The following BARX2 variants were observed in gnomAD, a reference collection of about 807,000 sequenced individuals.
The protein encoded by BARX2 is homeobox protein BarH-like 2.
BARX2 carries 11 observed loss-of-function variants against 25.5 expected under a neutral mutation model. That is an observed-to-expected ratio of 0.43 (90% CI 0.27 to 0.71). BARX2 has a LOEUF of 0.71. Among genes scored for constraint, BARX2 ranks in the 30% least tolerant of loss-of-function variants. The pLI, the probability that BARX2 is intolerant of heterozygous loss-of-function variation, is 0.19. For synonymous variants in BARX2, 137 were observed against 149.5 expected, an observed-to-expected ratio of 0.92 and a Z score of 0.61; for missense variants, 360 against 359.9, an observed-to-expected ratio of 1.00 and a Z score of 0.00.
At chr11:129,388,515 A>G (rs1861637652) in intron 1 of BARX2, among the ~76,000 whole-genome samples, 1 of 152,166 alleles carries the variant, frequency 6.6e-6, no homozygotes. Context: ...TTCATTATCA[A>G]CTAGAGAGAA....
intron 1 of BARX2, among the ~76,000 whole-genome samples, chr11:129,397,556 T>C (rs375041437): frequency 6.6e-6 from 1 of 152,230 alleles, no homozygotes; most frequent in Non-Finnish European, 1.5e-5. Flanking sequence ...AAAGGAAAGC[T>C]AACAACACTT....
chr11:129,397,872 C>G (rs1198058244), intron 1 of BARX2, among the ~76,000 whole-genome samples: 3 of 152,238 alleles, frequency 2.0e-5, no homozygotes, highest in Admixed American at 2.0e-4. Flanking sequence ...GAGGAATGAT[C>G]TAGCAGAGGC....
chr11:129,415,107 C>T (rs1174400913), intron 1 of BARX2, among the ~76,000 whole-genome samples: 1 of 152,034 alleles, frequency 6.6e-6, no homozygotes, highest in African/African-American at 2.4e-5. Flanking sequence ...CCTTTCCCCC[C>T]ATTATAAACT....
chr11:129,424,826 A>G (rs143209434), intron 1 of BARX2, among the ~76,000 whole-genome samples: 101 of 152,332 alleles, frequency 6.6e-4, no homozygotes, highest in Middle Eastern at 3.4e-3. Flanking sequence ...GATGTCAGCT[A>G]GAAATGATTG....
rs369433228 is a variant in BARX2, at chr11:129,385,221, T to G, written c.187+8999T>G. ...CGGGAGTGCTGTATGGTACGATTATTTTGGAGAGCAATTTGGCAACAAATG... is the reference window on the plus strand; with the variant it reads ...CGGGAGTGCTGTATGGTACGATTATGTTGGAGAGCAATTTGGCAACAAATG... On this transcript the variant is annotated intron_variant, in intron 1 of 3. Coordinates refer to ENST00000281437, the MANE Select transcript of BARX2 (RefSeq NM_003658.5). Among the ~76,000 whole-genome samples, 148 of 152,074 alleles carry G rather than the reference T, an allele frequency of 9.7e-4. 1 individual carries two copies. Among genetic ancestry groups the G allele is most frequent in the Non-Finnish European group, 1.8e-3 (122 of 68,016 alleles).
chr11:129,383,852 G>T (rs915818590), intron 1 of BARX2, among the ~76,000 whole-genome samples: 10 of 152,088 alleles, frequency 6.6e-5, no homozygotes, highest in African/African-American at 2.2e-4. Context: ...GAGGAAAGAT[G>T]AGTATTTTCT....
chr11:129,437,176 C>G, intron 2 of BARX2, 125 bp downstream of exon 2: 1 of 1,102,370 alleles, frequency 9.1e-7, no homozygotes, highest in Non-Finnish European at 1.2e-6. Context: ...GGAGTCCACT[C>G]CTTGGCTCAA....
At chr11:129,433,588 C>G (rs1315704902) in intron 1 of BARX2, among the ~76,000 whole-genome samples, 1 of 152,210 alleles carries the variant, frequency 6.6e-6, no homozygotes, top group East Asian at 1.9e-4. Context: ...TGCCTTTCTG[C>G]TGGTCTTTCA....
Position 129,428,657 on chromosome 11 carries a change from G to A in BARX2, c.188-8094G>A, listed in dbSNP as rs1862093999. Among the ~76,000 whole-genome samples the A allele has an allele frequency of 2.0e-5, 3 of 152,080 alleles. No homozygotes were observed. In the South Asian group the frequency reaches 6.2e-4, roughly 32 times the overall value. On this transcript the variant is annotated intron_variant, in intron 1 of 3. Transcript: ENST00000281437. ...TCTGCTCCCCATGGGCTTGCTTTTC[G>A]GAGAGATCCAGTGGTTTGTAGCACA...
rs547593058 is a variant in BARX2, at chr11:129,448,156, A to G, written c.574-2980A>G. Among the ~76,000 whole-genome samples, 6 of 152,354 alleles carry G rather than the reference A, an allele frequency of 3.9e-5. No homozygotes were observed. The East Asian group carries it at 1.2e-3, about 29-fold the overall frequency. ...ATACTCAAAAATTAACTCAAAATGAATCATCATCTAAATGGTGAGAGTGAA... is the reference window on the plus strand; with the variant it reads ...ATACTCAAAAATTAACTCAAAATGAGTCATCATCTAAATGGTGAGAGTGAA... On this transcript the variant is annotated intron_variant, in intron 3 of 3. Coordinates refer to ENST00000281437, the MANE Select transcript of BARX2 (RefSeq NM_003658.5).
chr11:129,451,196 A>G lies in BARX2; in HGVS notation c.634A>G (p.Ile212Val), dbSNP rs1210097290. 3 of 1,614,180 alleles carry G rather than the reference A, an allele frequency of 1.9e-6. No individual in the cohort carries two copies. Among genetic ancestry groups the G allele is most frequent in the South Asian group, 2.2e-5 (2 of 91,068 alleles). The change falls in exon 4 of 4, where the codon ATC (isoleucine) becomes GTC (valine). Residue 212 changes from isoleucine to valine, a missense_variant. Physicochemically the swap from Ile to Val is conservative, Grantham distance 29. This residue lies in a region of BARX2 where 114 missense variants were observed against 109.4 expected (regional missense o/e 1.04). Coordinates refer to ENST00000281437, the MANE Select transcript of BARX2 (RefSeq NM_003658.5). ...KPKGRPKKNS[I>V]PTSEEIEAEE... ...CAAAGGTCGCCCCAAGAAGAACTCC[A>G]TCCCCACATCAGAAGAGATTGAAGC...
chr11:129,436,357 C>T lies in BARX2; in HGVS notation c.188-394C>T, dbSNP rs901736591. ...TTTTATAAAGACCACAGGTGGTTCT[C>T]AGGAAGTTTGCATATTACAAATCTA... is the stretch of plus-strand genomic sequence containing the variant. On this transcript the variant is annotated intron_variant, in intron 1 of 3. Transcript: ENST00000281437. The surrounding 1 kb of genome is among the most constrained non-coding windows in gnomAD (Gnocchi z 4.5). 3.6e-5 allele frequency: 7 copies of T among 195,792 alleles called. No individual in the cohort carries two copies. The highest frequency in any genetic ancestry group is 7.2e-5 in the Non-Finnish European group (7 of 97,400). 12.1% of individuals were successfully genotyped at this position (195,792 alleles called of 1,614,324 possible). A position where few individuals can be genotyped will look rare whatever the true frequency, so the allele number is the denominator to read the frequency against.
intron 1 of BARX2, among the ~76,000 whole-genome samples, chr11:129,413,194 A>C (rs1861907197): frequency 6.6e-6 from 1 of 152,214 alleles, no homozygotes; most frequent in Non-Finnish European, 1.5e-5. Flanking sequence ...TTATTCTCGT[A>C]ATATATTTTT....
intron 1 of BARX2, among the ~76,000 whole-genome samples, chr11:129,403,404 G>A (rs1708185630): frequency 6.6e-6 from 1 of 152,166 alleles, no homozygotes; most frequent in Non-Finnish European, 1.5e-5. Context: ...CCAGGAGGCT[G>A]CTACTGGTTT....
At chr11:129,442,519 G>A (rs1281893115) in intron 2 of BARX2, among the ~76,000 whole-genome samples, 1 of 152,136 alleles carries the variant, frequency 6.6e-6, no homozygotes, top group East Asian at 1.9e-4. Flanking sequence ...GAATGCTCTT[G>A]TCAAGCCAGG....
At chr11:129,423,283 AT>A (rs762464072) in intron 1 of BARX2, among the ~76,000 whole-genome samples, 2 of 151,492 alleles carry the variant, frequency 1.3e-5, no homozygotes, top group Non-Finnish European at 2.9e-5. Context: ...CGCCCGGCTA[AT>A]TTTTGTATAA....
chr11:129,414,051 C>T (rs61911200), intron 1 of BARX2, among the ~76,000 whole-genome samples: 2,637 of 145,228 alleles, frequency 0.018, 34 homozygotes, highest in Middle Eastern at 0.028. Context: ...GGGAGGCAGA[C>T]GGAGACTCCA....
At chr11:129,441,220 A>G (rs563014799) in intron 2 of BARX2, among the ~76,000 whole-genome samples, 13 of 152,184 alleles carry the variant, frequency 8.5e-5, no homozygotes, top group African/African-American at 3.1e-4. Context: ...GACAGGTTCA[A>G]CTTGTGCAGA....
intron 1 of BARX2, among the ~76,000 whole-genome samples, chr11:129,400,835 G>A (rs1861768115): frequency 6.6e-6 from 1 of 152,142 alleles, no homozygotes; most frequent in Non-Finnish European, 1.5e-5. Context: ...GCATATAATG[G>A]GCAGGAGAAA....
Sources: allele counts gnomAD v4.1 joint callset (sites outside exome capture counted in the v4.1 genomes callset), GRCh38; gene constraint gnomAD v4.1.1; regional missense constraint gnomAD v4.1.1; non-coding constraint Gnocchi (gnomAD v3.1); transcripts MANE v1.5; gene names NCBI Gene and HGNC (gene_info 2026-07-23, HGNC 2026-07-21).